NKX2-1: variants seen among roughly 807,000 people sequenced by gnomAD.
The protein encoded by NKX2-1 is homeobox protein Nkx-2.1.
A neutral mutation model predicts 35.1 loss-of-function variants in NKX2-1; 9 were observed. That is an observed-to-expected ratio of 0.26 (90% CI 0.15 to 0.45). The LOEUF (loss-of-function observed/expected upper bound fraction) is 0.45. NKX2-1 is among the 20% of genes least tolerant of loss of function. The pLI is 1.00. For missense variants in NKX2-1, 509 were observed against 589.1 expected, an observed-to-expected ratio of 0.86 and a Z score of 1.41; for synonymous variants, 284 against 269.9, an observed-to-expected ratio of 1.05 and a Z score of -0.51.
rs1881020293 is a variant in NKX2-1, at chr14:36,516,443, G to A, written c.*835C>T. 4.4e-6 allele frequency: 1 copy of A among 228,252 alleles called. No individual in the cohort carries two copies. The highest frequency in any genetic ancestry group is 8.7e-6 in the Non-Finnish European group (1 of 115,056). 14.1% of individuals were successfully genotyped at this position (228,252 alleles called of 1,614,324 possible). ...TTTTAATTTGTATAATTTATTAGAA[G>A]CTTCTTAGGAACTATATTTAAGCCA... is the stretch of plus-strand genomic sequence containing the variant. On this transcript the variant is annotated 3_prime_UTR_variant, in exon 3 of 3. Coordinates refer to ENST00000354822, the MANE Select transcript of NKX2-1 (RefSeq NM_001079668.3).
At position 36,519,210 on chromosome 14, in the gene NKX2-1, T is replaced by C. The variant is rs1328452630; in HGVS notation, c.238A>G (p.Thr80Ala). The C allele has an allele frequency of 6.2e-7, 1 of 1,604,060 alleles. No homozygotes were observed. Among genetic ancestry groups the C allele is most frequent in the Non-Finnish European group, 8.5e-7 (1 of 1,175,560 alleles). The part of the protein sequence containing the change: ...AYRQGQAAPP[T>A]AAMQQHAVGH... ...ACGGCGTGCTGCTGCATGGCCGCTG[T>C]TGGCGGTGCCGCCTGGCCCTGCCTG... The change falls in exon 2 of 3, where the codon ACA becomes GCA. Residue 80 changes from threonine (T) to alanine (A), a missense_variant. Physicochemically the swap from Thr to Ala is moderately conservative, Grantham distance 58 (BLOSUM62 0). This residue lies in a region of NKX2-1 where 271 missense variants were observed against 284.1 expected (regional missense o/e 0.95). Transcript: ENST00000354822.
Position 36,517,960 on chromosome 14 carries a change from G to C in NKX2-1, c.524C>G (p.Ser175Trp). ...CATGTTCTTGCTCACGTCCCCCAGC[G>C]AGCCCAGGCCGCCCATGCCGCTCAT... ...MNMSGMGGLG[S>W]LGDVSKNMAP... is the part of the protein sequence containing the mutation. The change falls in exon 3 of 3, where the codon TCG (serine) becomes TGG (tryptophan). Residue 175 changes from serine to tryptophan, a missense_variant. Transcript: ENST00000354822. 1 of 1,601,086 alleles carries C rather than the reference G, an allele frequency of 6.2e-7. No homozygotes were observed. The highest frequency in any genetic ancestry group is 8.5e-7 in the Non-Finnish European group (1 of 1,179,754).
At position 36,520,196 on chromosome 14, in the gene NKX2-1, G is replaced by A; in HGVS notation, c.-67C>T. On this transcript the variant is annotated 5_prime_UTR_variant, in exon 1 of 3. Coordinates refer to ENST00000354822, the MANE Select transcript of NKX2-1 (RefSeq NM_001079668.3). The stretch of plus-strand genomic sequence containing the variant: ...GAGCGAGTCTGGGGACGAACCCTGG[G>A]GCCGCACTGTTGGTCTACGTGTCTG... 1.9e-6 allele frequency: 3 copies of A among 1,591,234 alleles called. No homozygotes were observed. Among genetic ancestry groups the A allele is most frequent in the East Asian group, 2.3e-5 (1 of 43,518 alleles).
chr14:36,520,024 G>A (rs756914430), intron 1 of NKX2-1, 29 bp downstream of exon 1: 39 of 1,612,676 alleles, frequency 2.4e-5, no homozygotes, highest in South Asian at 4.4e-5. Flanking sequence ...TTAGGAGGAG[G>A]GGGCTGAGGG....
intron 2 of NKX2-1, among the ~76,000 whole-genome samples, chr14:36,518,357 C>T (rs1019036437): frequency 6.6e-6 from 1 of 152,172 alleles, no homozygotes; most frequent in Admixed American, 6.5e-5. Context: ...GATTAGCTGG[C>T]CACAGGCGGC....
At position 36,517,029 on chromosome 14, in the gene NKX2-1, A is replaced by T. The variant is rs1463513343; in HGVS notation, c.*249T>A. On this transcript the variant is annotated 3_prime_UTR_variant, in exon 3 of 3. Coordinates refer to ENST00000354822, the MANE Select transcript of NKX2-1 (RefSeq NM_001079668.3). Reference sequence around the variant, plus strand: ...CCCTTCTCTGCTTAAAGATTCCTTGAGATTGGATGCGCTTGGTTGTTTTTC... The same window carrying T: ...CCCTTCTCTGCTTAAAGATTCCTTGTGATTGGATGCGCTTGGTTGTTTTTC... The T allele has an allele frequency of 2.3e-5, 16 of 691,786 alleles. No individual in the cohort carries two copies. Among genetic ancestry groups the T allele is most frequent in the Admixed American group, 9.8e-5 (3 of 30,690 alleles). The allele number at this position is 691,786 out of a possible 1,614,324, so 42.9% of individuals were successfully genotyped here. A position where few individuals can be genotyped will look rare whatever the true frequency, so the allele number is the denominator to read the frequency against.
At position 36,517,167 on chromosome 14, in the gene NKX2-1, G is replaced by A; in HGVS notation, c.*111C>T. ...TGTTCCTTGGTCTAAACGCGGCCAG[G>A]TTGTTAAGAAAAGTCGAAGCGCGTG... On this transcript the variant is annotated 3_prime_UTR_variant, in exon 3 of 3. Coordinates refer to ENST00000354822, the MANE Select transcript of NKX2-1 (RefSeq NM_001079668.3). 1 of 1,503,258 alleles carries A rather than the reference G, an allele frequency of 6.7e-7. No homozygotes were observed. Among genetic ancestry groups the A allele is most frequent in the African/African-American group, 1.4e-5 (1 of 71,132 alleles). 93.1% of individuals were successfully genotyped at this position (1,503,258 alleles called of 1,614,324 possible).
rs753318699 is a variant in NKX2-1 at position 36,520,109 on chromosome 14, C to T, written c.21G>A (p.Gly7=). The T allele has an allele frequency of 2.7e-5, 44 of 1,613,030 alleles. No homozygotes were observed. The highest frequency in any genetic ancestry group is 3.5e-5 in the Non-Finnish European group (41 of 1,179,910). The change falls in exon 1 of 3, where the codon GGG becomes GGA. Residue 7 remains glycine (G), a synonymous_variant. Transcript: ENST00000354822. MWSGGS[G]KARGWEAAAG... is the part of the protein sequence containing the mutation. The stretch of plus-strand genomic sequence containing the variant: ...CCGCGGCCTCCCAGCCCCGCGCCTT[C>T]CCACTGCCTCCGGACCACATCGGGC...
chr14:36,519,554 C>G (rs961279723), intron 1 of NKX2-1, 184 bp from the exon 2 acceptor site: 39 of 1,534,466 alleles, frequency 2.5e-5, no homozygotes, highest in Middle Eastern at 1.7e-4. Context: ...GGGGCTGCCT[C>G]GCGTTTGTTT....
chr14:36,517,110 G>T lies in NKX2-1; in HGVS notation c.*168C>A. The T allele has an allele frequency of 6.6e-6, 7 of 1,058,348 alleles. No individual in the cohort carries two copies. The highest frequency in any genetic ancestry group is 2.1e-5 in the South Asian group (1 of 47,334). The allele number at this position is 1,058,348 out of a possible 1,614,324, so 65.6% of individuals were successfully genotyped here. On this transcript the variant is annotated 3_prime_UTR_variant, in exon 3 of 3. Transcript: ENST00000354822. ...AATTTTAGGGGGGGAAAAAAAGAAA[G>T]ACGTCCAGCAGTTTGGCCTTTGTGG... is the stretch of plus-strand genomic sequence containing the variant.
At chr14:36,518,328 G>A (rs1881152271) in intron 2 of NKX2-1, among the ~76,000 whole-genome samples, 2 of 152,158 alleles carry the variant, frequency 1.3e-5, no homozygotes, top group African/African-American at 4.8e-5. Context: ...TTCGTGCCCA[G>A]CCCGGGTCAG....
rs1064922 is a variant in NKX2-1, at chr14:36,517,566, C to T, written c.918G>A (p.Ala306=). 6.8e-7 allele frequency: 1 copy of T among 1,477,606 alleles called. No homozygotes were observed. Among genetic ancestry groups the T allele is most frequent in the Non-Finnish European group, 8.9e-7 (1 of 1,122,958 alleles). 91.5% of individuals were successfully genotyped at this position (1,477,606 alleles called of 1,614,324 possible). A position where few individuals can be genotyped will look rare whatever the true frequency, so the allele number is the denominator to read the frequency against. ...DGKPCQAGAP[A]PGAASLQGHA... ...GGCCTTGTAGGCTGGCGGCGCCCGG[C>T]GCGGGGGCACCCGCCTGGCACGGTT... The change falls in exon 3 of 3, where the codon GCG becomes GCA. Residue 306 remains alanine (A), a synonymous_variant. Transcript: ENST00000354822.
chr14:36,519,401 A>AT, intron 1 of NKX2-1, 31 bp from the exon 2 acceptor site: 1 of 1,612,100 alleles, frequency 6.2e-7, no homozygotes, highest in Non-Finnish European at 8.5e-7. Flanking sequence ...AGGAAAAAAA[A>AT]GGGAGAGGGG....
chr14:36,517,060 C>CT lies in NKX2-1; in HGVS notation c.*217dup, dbSNP rs71124756. On this transcript the variant is annotated 3_prime_UTR_variant, in exon 3 of 3. Transcript: ENST00000354822. ...GATGCGCTTGGTTGTTTTTCATTTT[C>CT]TTTTTTTAAAAAAAAAAACCCACAA... 203,948 of 767,596 alleles carry CT rather than the reference C, an allele frequency of 0.27. 24,439 individuals are homozygous for CT. Among genetic ancestry groups the CT allele is most frequent in the Admixed American group, 0.39 (10,832 of 27,582 alleles). 47.5% of individuals were successfully genotyped at this position (767,596 alleles called of 1,614,324 possible).
At chr14:36,519,807 C>T (rs1881262835) in intron 1 of NKX2-1, 2 of 1,407,894 alleles carry the variant, frequency 1.4e-6, no homozygotes, top group Admixed American at 2.5e-5. Context: ...TTGTGGGGTA[C>T]CAGCGGAGCG....
chr14:36,519,115 G>A lies in NKX2-1; in HGVS notation c.333C>T (p.Ser111=), dbSNP rs1484919426. ...TGCCGTTGCAGTAGCCCCCCACGGC[G>A]GAGTGCGAGAGCTGGGGCACCCCCG... is the stretch of plus-strand genomic sequence containing the variant. ...TAAGVPQLSH[S]AVGGYCNGNL... is the part of the protein sequence containing the mutation. Residue 111 remains serine, a synonymous_variant, in exon 2 of 3, where the codon TCC becomes TCT. Coordinates refer to ENST00000354822, the MANE Select transcript of NKX2-1 (RefSeq NM_001079668.3). 1 of 1,605,474 alleles carries A rather than the reference G, an allele frequency of 6.2e-7. No individual in the cohort carries two copies. Among genetic ancestry groups the A allele is most frequent in the Non-Finnish European group, 8.5e-7 (1 of 1,179,234 alleles).
In NKX2-1 at chr14:36,516,734, C is replaced by T. The variant is rs886050478; in HGVS notation, c.*544G>A. The T allele has an allele frequency of 2.6e-5, 6 of 232,684 alleles. No individual in the cohort carries two copies. The South Asian group carries it at 5.5e-4, about 21-fold the overall frequency. 14.4% of individuals were successfully genotyped at this position (232,684 alleles called of 1,614,324 possible). On this transcript the variant is annotated 3_prime_UTR_variant, in exon 3 of 3. Coordinates refer to ENST00000354822, the MANE Select transcript of NKX2-1 (RefSeq NM_001079668.3). ...CTGAGCCTAGGCGGCCAGAGGGTGC[C>T]GGGGAGGGGGCACTTCCTTTGTGTC...
In NKX2-1 at chr14:36,519,910, G is replaced by T. The variant is rs533063532; in HGVS notation, c.77+143C>A. 619 of 1,313,418 alleles carry T rather than the reference G, an allele frequency of 4.7e-4. 4 individuals are homozygous for T. The African/African-American group carries it at 8.2e-3, about 17-fold the overall frequency. 81.4% of individuals were successfully genotyped at this position (1,313,418 alleles called of 1,614,324 possible). ...GGGGAGTAACAGAGGAGGAGAGATGGTTGAGAGGAAGGAAGGTGAATGCTG... is the reference window on the plus strand; with the variant it reads ...GGGGAGTAACAGAGGAGGAGAGATGTTTGAGAGGAAGGAAGGTGAATGCTG... On this transcript the variant is annotated intron_variant, in intron 1 of 2. Transcript: ENST00000354822.
At position 36,517,084 on chromosome 14, in the gene NKX2-1, A is replaced by T; in HGVS notation, c.*194T>A. ...TCTTTTTTTAAAAAAAAAAACCCACAAATTTTAGGGGGGGAAAAAAAGAAA... is the reference window on the plus strand; with the variant it reads ...TCTTTTTTTAAAAAAAAAAACCCACTAATTTTAGGGGGGGAAAAAAAGAAA... On this transcript the variant is annotated 3_prime_UTR_variant, in exon 3 of 3. Coordinates refer to ENST00000354822, the MANE Select transcript of NKX2-1 (RefSeq NM_001079668.3). The T allele has an allele frequency of 1.9e-6, 2 of 1,065,892 alleles. No individual in the cohort carries two copies. Among genetic ancestry groups the T allele is most frequent in the Non-Finnish European group, 2.5e-6 (2 of 789,828 alleles). 66.0% of individuals were successfully genotyped at this position (1,065,892 alleles called of 1,614,324 possible). A position where few individuals can be genotyped will look rare whatever the true frequency, so the allele number is the denominator to read the frequency against.
Sources: gnomAD v4.1 joint callset for allele counts (sites outside exome capture counted in the v4.1 genomes callset) on GRCh38, gnomAD v4.1.1 for gene constraint, gnomAD v4.1.1 regional missense constraint, MANE v1.5 for transcripts, NCBI Gene and HGNC (gene_info 2026-07-23, HGNC 2026-07-21) for gene names.